Variants in AGAP1 observed in about 807,000 individuals in gnomAD.
AGAP1 encodes the protein arf-GAP with GTPase, ANK repeat and PH domain-containing protein 1.
A neutral mutation model predicts 105.3 loss-of-function variants in AGAP1; 29 were observed. The observed-to-expected ratio is 0.28, with a 90% CI of 0.21 to 0.38. The LOEUF is 0.38. Ranked by LOEUF, AGAP1 falls within the 10% of genes least tolerant of loss-of-function variation. The pLI is 1.00. For missense variants in AGAP1, 998 were observed against 1,165.1 expected (o/e 0.86, Z 2.09); for synonymous variants, 509 against 485.9 (o/e 1.05, Z -0.63).
Position 235,720,530 on chromosome 2 carries a change from C to A in AGAP1, c.310+2886C>A. On this transcript the variant is annotated intron_variant, in intron 3 of 17. Transcript: ENST00000304032. The surrounding 1 kb of genome is among the most constrained non-coding windows in gnomAD (Gnocchi z 5.0). ...TTTTGAGTGAGCTCTGTGGCCTTCC[C>A]ATTTCTTGGTGTACTGCTGCCTTCT... is the stretch of plus-strand genomic sequence containing the variant. 2.8e-6 allele frequency: 1 copy of A among 354,164 alleles called. No individual in the cohort carries two copies. The allele number at this position is 354,164 out of a possible 1,614,324, so 21.9% of individuals were successfully genotyped here.
chr2:235,616,966 T>A (rs1393129664), intron 1 of AGAP1, among the ~76,000 whole-genome samples: 1 of 152,152 alleles, frequency 6.6e-6, no homozygotes, highest in East Asian at 1.9e-4. Flanking sequence ...TTTTTTATTT[T>A]TTTTTTTTAA....
intron 6 of AGAP1, among the ~76,000 whole-genome samples, chr2:235,763,011 G>C (rs148033522): frequency 6.7e-6 from 1 of 149,844 alleles, no homozygotes; most frequent in African/African-American, 2.4e-5. Context: ...ACTGCCACCC[G>C]GGGGCAATGA....
Position 235,611,683 on chromosome 2 carries a change from C to T in AGAP1, c.164-97496C>T, listed in dbSNP as rs1252837842. ...AGGATAGTAAACCAGTTGTGAGGAA[C>T]ATTGTATAGAGAAAAAACAACCTTG... is the stretch of plus-strand genomic sequence containing the variant. On this transcript the variant is annotated intron_variant, in intron 1 of 17. Transcript: ENST00000304032. This position sits in a 1 kb window ranked among gnomAD's most constrained non-coding sequence, Gnocchi z 5.0. 6.6e-6 allele frequency among the ~76,000 whole-genome samples: 1 copy of T among 152,170 alleles called. No homozygotes were observed. Among genetic ancestry groups the T allele is most frequent in the Non-Finnish European group, 1.5e-5 (1 of 68,036 alleles).
In AGAP1 at chr2:236,078,641, G is replaced by A. The variant is rs894136474; in HGVS notation, c.2114+29360G>A. On this transcript the variant is annotated intron_variant, in intron 16 of 17. Transcript: ENST00000304032. This position sits in a 1 kb window ranked among gnomAD's most constrained non-coding sequence, Gnocchi z 5.3. The stretch of plus-strand genomic sequence containing the variant: ...ACCACTGAACCACCTGCTGAGCAGC[G>A]TGCTAGCATTTCTTGACTCCAGATG... Among the ~76,000 whole-genome samples the A allele has an allele frequency of 3.9e-5, 6 of 152,172 alleles. No homozygotes were observed. The highest frequency in any genetic ancestry group is 9.7e-5 in the African/African-American group (4 of 41,430).
At chr2:235,909,943 C>T (rs12993161) in intron 11 of AGAP1, among the ~76,000 whole-genome samples, 54,908 of 151,740 alleles carry the variant, frequency 0.36, 10,652 homozygotes, top group South Asian at 0.64. Context: ...ATCGCTTGAA[C>T]CCAGGAGGCA....
In AGAP1 at chr2:235,951,629, G is replaced by C. The variant is rs2053744605; in HGVS notation, c.1484-16833G>C. Among the ~76,000 whole-genome samples the C allele has an allele frequency of 6.6e-6, 1 of 152,144 alleles. No homozygotes were observed. The highest frequency in any genetic ancestry group is 1.5e-5 in the Non-Finnish European group (1 of 68,040). ...GCAGAATGAATGTCACCCACCCTGG[G>C]GAAGGTGGCTCGTGTCACTACCCTT... On this transcript the variant is annotated intron_variant, in intron 12 of 17. Transcript: ENST00000304032. The surrounding 1 kb of genome is among the most constrained non-coding windows in gnomAD (Gnocchi z 4.2).
intron 13 of AGAP1, among the ~76,000 whole-genome samples, chr2:235,995,331 A>G (rs2055763202): frequency 6.6e-6 from 1 of 152,038 alleles, no homozygotes; most frequent in African/African-American, 2.4e-5. Context: ...CCTGGCCAAC[A>G]TGGTGAAACC....
chr2:235,969,478 G>A lies in AGAP1; in HGVS notation c.1645+855G>A, dbSNP rs138084172. On this transcript the variant is annotated intron_variant, in intron 13 of 17. Coordinates refer to ENST00000304032, the MANE Select transcript of AGAP1 (RefSeq NM_001037131.3). ...AGAGAGTGTGGTTACCTGTGAGACCGACATGGTAAAAGCGTGTCTTCAGTG... is the reference window on the plus strand; with the variant it reads ...AGAGAGTGTGGTTACCTGTGAGACCAACATGGTAAAAGCGTGTCTTCAGTG... Among the ~76,000 whole-genome samples, 996 of 152,272 alleles carry A rather than the reference G, an allele frequency of 6.5e-3. 16 individuals are homozygous for A. Among genetic ancestry groups the A allele is most frequent in the African/African-American group, 0.022 (930 of 41,544 alleles).
chr2:236,056,420 C>T lies in AGAP1; in HGVS notation c.2114+7139C>T, dbSNP rs999900191. Among the ~76,000 whole-genome samples, 3 of 152,200 alleles carry T rather than the reference C, an allele frequency of 2.0e-5. No individual in the cohort carries two copies. The highest frequency in any genetic ancestry group is 2.9e-5 in the Non-Finnish European group (2 of 68,040). ...AGTTTCTGATGCTTAAGAATTTTTA[C>T]TGCCCCTGGCAGATGAGAAGGCAAG... On this transcript the variant is annotated intron_variant, in intron 16 of 17. Transcript: ENST00000304032. The surrounding 1 kb of genome is among the most constrained non-coding windows in gnomAD (Gnocchi z 4.6).
rs1167150836 is a variant in AGAP1 at position 236,090,724 on chromosome 2, TTTG to T, written c.2115-29465_2115-29463del. Among the ~76,000 whole-genome samples the T allele has an allele frequency of 6.7e-6, 1 of 149,652 alleles. No individual in the cohort carries two copies. On this transcript the variant is annotated intron_variant, in intron 16 of 17. Transcript: ENST00000304032. This position sits in a 1 kb window ranked among gnomAD's most constrained non-coding sequence, Gnocchi z 4.3. ...TTTTCTTTTGTTGGTGGTGGTTGTG[TTTG>T]TTTTGTTTTTTGTTTTGTTTTGTTT...
intron 1 of AGAP1, among the ~76,000 whole-genome samples, chr2:235,501,199 G>A (rs2149001471): frequency 6.6e-6 from 1 of 152,326 alleles, no homozygotes; most frequent in African/African-American, 2.4e-5. Context: ...CTGCGTTTCT[G>A]CGACACGGTG....
rs942491226 is a variant in AGAP1 at position 235,555,023 on chromosome 2, G to T, written c.163+60174G>T. On this transcript the variant is annotated intron_variant, in intron 1 of 17. Transcript: ENST00000304032. This position sits in a 1 kb window ranked among gnomAD's most constrained non-coding sequence, Gnocchi z 5.1. Reference sequence around the variant, plus strand: ...TGCTTTCTCTCCAGCCAGTTCAATTGTAGAGGGTCCTGGAGAGGAGGTGGA... The same window carrying T: ...TGCTTTCTCTCCAGCCAGTTCAATTTTAGAGGGTCCTGGAGAGGAGGTGGA... Among the ~76,000 whole-genome samples the T allele has an allele frequency of 2.0e-5, 3 of 152,152 alleles. No individual in the cohort carries two copies. The highest frequency in any genetic ancestry group is 4.8e-5 in the African/African-American group (2 of 41,438).
Position 235,900,769 on chromosome 2 carries a change from C to T in AGAP1, c.1156-7969C>T, listed in dbSNP as rs2051028972. Among the ~76,000 whole-genome samples, 1 of 152,198 alleles carries T rather than the reference C, an allele frequency of 6.6e-6. No homozygotes were observed. Among genetic ancestry groups the T allele is most frequent in the Non-Finnish European group, 1.5e-5 (1 of 68,042 alleles). On this transcript the variant is annotated intron_variant, in intron 10 of 17. Transcript: ENST00000304032. This position sits in a 1 kb window ranked among gnomAD's most constrained non-coding sequence, Gnocchi z 5.5. Reference sequence around the variant, plus strand: ...TTCCATAAGCATGAGCTGTTTGCCTCTGTGCATGCTACACATCTGATTGGC... The same window carrying T: ...TTCCATAAGCATGAGCTGTTTGCCTTTGTGCATGCTACACATCTGATTGGC...
chr2:235,666,193 T>C (rs1213039551), intron 1 of AGAP1, among the ~76,000 whole-genome samples: 6 of 151,492 alleles, frequency 4.0e-5, no homozygotes, highest in African/African-American at 1.5e-4. Context: ...GAGGTAGCAG[T>C]GAAATCAACT....
In AGAP1 at chr2:235,993,786, G is replaced by C. The variant is rs1473214919; in HGVS notation, c.1645+25163G>C. On this transcript the variant is annotated intron_variant, in intron 13 of 17. Coordinates refer to ENST00000304032, the MANE Select transcript of AGAP1 (RefSeq NM_001037131.3). The surrounding 1 kb of genome is among the most constrained non-coding windows in gnomAD (Gnocchi z 5.0). The stretch of plus-strand genomic sequence containing the variant: ...CTTCTGCTTTGGCTGTGTAGATGCT[G>C]TTCCAGTCCTGGGGAGCACAGGTGT... Among the ~76,000 whole-genome samples, 3 of 152,140 alleles carry C rather than the reference G, an allele frequency of 2.0e-5. 1 individual carries two copies. The highest frequency in any genetic ancestry group is 4.4e-5 in the Non-Finnish European group (3 of 68,016).
chr2:235,706,292 T>G (rs890445041), intron 1 of AGAP1, among the ~76,000 whole-genome samples: 3 of 152,226 alleles, frequency 2.0e-5, no homozygotes, highest in Non-Finnish European at 4.4e-5. Context: ...TGGCACAGTC[T>G]CGGCTCACTG....
At chr2:235,911,446 G>A (rs577118295) in intron 11 of AGAP1, among the ~76,000 whole-genome samples, 1 of 152,248 alleles carries the variant, frequency 6.6e-6, no homozygotes, top group Non-Finnish European at 1.5e-5. Flanking sequence ...CAGGCACACA[G>A]ATATGAAGGA....
At chr2:235,525,479 A>ATAACGTGGAGGACTGATACG (rs1942796969) in intron 1 of AGAP1, among the ~76,000 whole-genome samples, 6 of 152,162 alleles carry the variant, frequency 3.9e-5, no homozygotes, top group Non-Finnish European at 5.9e-5. Flanking sequence ...GGACTGATAC[A>ATAACGTGGAGGACTGATACG]TAACGTGGAG....
chr2:236,054,528 A>G (rs1359432235), intron 16 of AGAP1, among the ~76,000 whole-genome samples: 1 of 152,058 alleles, frequency 6.6e-6, no homozygotes, highest in East Asian at 1.9e-4. Context: ...AAAAAAAATA[A>G]AAAAAGGACT....
Sources: allele counts gnomAD v4.1 joint callset (sites outside exome capture counted in the v4.1 genomes callset), GRCh38; gene constraint gnomAD v4.1.1; non-coding constraint Gnocchi (gnomAD v3.1); transcripts MANE v1.5; gene names NCBI Gene and HGNC (gene_info 2026-07-23, HGNC 2026-07-21).